Variants in LMCD1 observed in about 807,000 individuals in gnomAD.
LMCD1 encodes the protein LIM and cysteine rich domains 1.
A neutral mutation model predicts 42.7 loss-of-function variants in LMCD1; 32 were observed. The ratio of observed to expected loss-of-function variants is 0.75; its 90% CI spans 0.57 to 1.01. The LOEUF is 1.01. LMCD1 is among the 50% of genes least tolerant of loss of function. LMCD1 has a pLI of 0.00. For missense variants in LMCD1, 458 were observed against 483.1 expected (o/e 0.95, Z 0.49); for synonymous variants, 178 against 184.9 (o/e 0.96, Z 0.30).
chr3:8,517,332 AT>A (rs1694119292), intron 1 of LMCD1, among the ~76,000 whole-genome samples: 2 of 152,340 alleles, frequency 1.3e-5, no homozygotes, highest in South Asian at 4.1e-4. Flanking sequence ...AAACATAACA[AT>A]TTCAGGTTAA....
chr3:8,534,140 A>G (rs1301159862), intron 2 of LMCD1, among the ~76,000 whole-genome samples: 1 of 151,734 alleles, frequency 6.6e-6, no homozygotes, highest in Non-Finnish European at 1.5e-5. Context: ...CTCCTCAGCA[A>G]TTTGAAGACA....
intron 1 of LMCD1, among the ~76,000 whole-genome samples, chr3:8,517,230 A>T (rs1254864892): frequency 6.6e-6 from 1 of 152,170 alleles, no homozygotes; most frequent in Non-Finnish European, 1.5e-5. Context: ...TCCACACCTG[A>T]CCTCATGTAC....
At position 8,569,095 on chromosome 3, in the gene LMCD1, C is replaced by T. The variant is rs1007456896; in HGVS notation, c.*1497C>T. 3 of 152,238 alleles carry T rather than the reference C, an allele frequency of 2.0e-5. No homozygotes were observed. Among genetic ancestry groups the T allele is most frequent in the Non-Finnish European group, 4.4e-5 (3 of 68,044 alleles). The allele number at this position is 152,238 out of a possible 1,614,324, so 9.4% of individuals were successfully genotyped here. ...AAGTGTGTCATTTCCTTCACTCAAT[C>T]TCCATGGCTCTTCATTGCCTGCCAA... On this transcript the variant is annotated 3_prime_UTR_variant, in exon 6 of 6. Transcript: ENST00000157600.
At chr3:8,542,077 C>T (rs931764873) in intron 3 of LMCD1, among the ~76,000 whole-genome samples, 22 of 140,722 alleles carry the variant, frequency 1.6e-4, no homozygotes, top group African/African-American at 5.8e-4. Context: ...TCACTACAAC[C>T]TCCGCCTCCT....
intron 4 of LMCD1, chr3:8,550,895 C>A: frequency 1.0e-6 from 1 of 985,350 alleles, no homozygotes; most frequent in Non-Finnish European, 1.2e-6. Context: ...GTGTTTTATT[C>A]TTGACTGAGC....
intron 1 of LMCD1, among the ~76,000 whole-genome samples, chr3:8,531,826 T>G (rs1161358954): frequency 6.6e-6 from 1 of 152,194 alleles, no homozygotes; most frequent in African/African-American, 2.4e-5. Context: ...CCCTTTACAT[T>G]ACTAGTTGAT....
At chr3:8,540,471 A>G (rs1227271006) in intron 3 of LMCD1, among the ~76,000 whole-genome samples, 1 of 152,208 alleles carries the variant, frequency 6.6e-6, no homozygotes, top group Admixed American at 6.5e-5. Context: ...GAGATGATGC[A>G]ACGATGCAGC....
At chr3:8,502,322 T>TATATATAAA (rs1559342135) in intron 1 of LMCD1, among the ~76,000 whole-genome samples, 9 of 8,520 alleles carry the variant, frequency 1.1e-3, no homozygotes, top group Admixed American at 2.4e-3. Flanking sequence ...AAATATATAT[T>TATATATAAA]ATATATAATA....
At chr3:8,504,469 G>A (rs1693834679) in intron 1 of LMCD1, among the ~76,000 whole-genome samples, 2 of 152,196 alleles carry the variant, frequency 1.3e-5, no homozygotes, top group South Asian at 2.1e-4. Context: ...GGCTGTTTCC[G>A]CTTCCCTACC....
At chr3:8,548,108 A>G (rs570826873) in intron 3 of LMCD1, among the ~76,000 whole-genome samples, 1 of 152,352 alleles carries the variant, frequency 6.6e-6, no homozygotes, top group East Asian at 1.9e-4. Context: ...TGATAATCTT[A>G]TGGGACCACT....
chr3:8,543,318 A>G (rs1271497646), intron 3 of LMCD1, among the ~76,000 whole-genome samples: 1 of 152,116 alleles, frequency 6.6e-6, no homozygotes, highest in African/African-American at 2.4e-5. Flanking sequence ...GCCCCGAGAG[A>G]AGCCCCAACC....
At position 8,550,908 on chromosome 3, in the gene LMCD1, C is replaced by G. The variant is rs1016896292; in HGVS notation, c.723+2005C>G. 7.1e-6 allele frequency: 7 copies of G among 985,214 alleles called. No homozygotes were observed. In the African/African-American group the frequency reaches 1.0e-4, roughly 15 times the overall value. 61.0% of individuals were successfully genotyped at this position (985,214 alleles called of 1,614,324 possible). Reference sequence around the variant, plus strand: ...TCGTGTTTTATTCTTGACTGAGCCTCGCATATTTGTTCTGTGTGGAACAAA... The same window carrying G: ...TCGTGTTTTATTCTTGACTGAGCCTGGCATATTTGTTCTGTGTGGAACAAA... On this transcript the variant is annotated intron_variant, in intron 4 of 5. Coordinates refer to ENST00000157600, the MANE Select transcript of LMCD1 (RefSeq NM_014583.4).
At chr3:8,531,102 T>C (rs935992359) in intron 1 of LMCD1, among the ~76,000 whole-genome samples, 4 of 152,242 alleles carry the variant, frequency 2.6e-5, no homozygotes, top group Non-Finnish European at 5.9e-5. Flanking sequence ...GACAGCTGTC[T>C]CTTTCCATAC....
intron 5 of LMCD1, among the ~76,000 whole-genome samples, chr3:8,565,982 T>C (rs574998054): frequency 6.6e-6 from 1 of 152,350 alleles, no homozygotes; most frequent in Non-Finnish European, 1.5e-5. Context: ...ATTATTATCA[T>C]GTGGTTACCT....
At chr3:8,561,908 G>T (rs1331331655) in intron 4 of LMCD1, among the ~76,000 whole-genome samples, 1 of 152,150 alleles carries the variant, frequency 6.6e-6, no homozygotes, top group Non-Finnish European at 1.5e-5. Context: ...ACTCCAAAAT[G>T]ACTCAAAAGA....
At chr3:8,564,777 G>T (rs1695098340) in intron 4 of LMCD1, among the ~76,000 whole-genome samples, 2 of 152,176 alleles carry the variant, frequency 1.3e-5, no homozygotes, top group Non-Finnish European at 2.9e-5. Context: ...ATCCACAGTT[G>T]CCTGGAAGGT....
intron 3 of LMCD1, among the ~76,000 whole-genome samples, chr3:8,538,739 A>C (rs999062587): frequency 1.3e-5 from 2 of 152,172 alleles, no homozygotes; most frequent in Non-Finnish European, 2.9e-5. Context: ...CGTTTCTTTA[A>C]CAACTTTTAT....
At chr3:8,535,629 T>C (rs960678313) in intron 2 of LMCD1, among the ~76,000 whole-genome samples, 3 of 152,238 alleles carry the variant, frequency 2.0e-5, no homozygotes, top group African/African-American at 7.2e-5. Flanking sequence ...TACCACATAC[T>C]AATCTCCTGG....
At chr3:8,518,581 G>A (rs1458127035) in intron 1 of LMCD1, among the ~76,000 whole-genome samples, 1 of 152,194 alleles carries the variant, frequency 6.6e-6, no homozygotes, top group Non-Finnish European at 1.5e-5. Flanking sequence ...CAGATGTCAG[G>A]TCTGGGTGGC....
Sources: allele counts gnomAD v4.1 joint callset (sites outside exome capture counted in the v4.1 genomes callset), GRCh38; gene constraint gnomAD v4.1.1; transcripts MANE v1.5; gene names NCBI Gene and HGNC (gene_info 2026-07-23, HGNC 2026-07-21).